Variants in DLG2 observed in about 807,000 individuals in gnomAD.
DLG2 encodes the protein disks large homolog 2.
DLG2 carries 45 observed loss-of-function variants against 132.5 expected under a neutral mutation model. The ratio of observed to expected loss-of-function variants is 0.34; its 90% CI spans 0.27 to 0.44. DLG2 has a LOEUF of 0.44. Ranked by LOEUF, DLG2 falls within the 20% of genes least tolerant of loss-of-function variation. DLG2 has a pLI of 1.00. For synonymous variants in DLG2, 424 were observed against 419.6 expected (o/e 1.01, Z -0.13); for missense variants, 1,045 against 1,196.9 (o/e 0.87, Z 1.87).
intron 8 of DLG2, among the ~76,000 whole-genome samples, chr11:84,175,926 T>C (rs749229068): frequency 5.9e-5 from 9 of 152,156 alleles, no homozygotes; most frequent in Non-Finnish European, 1.2e-4. Flanking sequence ...TTTTGTCCCC[T>C]ACCGAATGTC....
intron 18 of DLG2, among the ~76,000 whole-genome samples, chr11:83,731,381 C>A (rs769272469): frequency 1.3e-5 from 2 of 152,118 alleles, no homozygotes; most frequent in Non-Finnish European, 2.9e-5. Context: ...AGTGAGAACA[C>A]GTAGTGTTTA....
chr11:85,203,880 C>T (rs2081650120), intron 4 of DLG2, among the ~76,000 whole-genome samples: 1 of 152,024 alleles, frequency 6.6e-6, no homozygotes, highest in Admixed American at 6.6e-5. Flanking sequence ...GATGGTTCAA[C>T]CTACAAAAAT....
chr11:84,130,034 A>C (rs1025517250), intron 9 of DLG2, among the ~76,000 whole-genome samples: 1 of 152,050 alleles, frequency 6.6e-6, no homozygotes, highest in African/African-American at 2.4e-5. Context: ...AATTTCTCAA[A>C]AGTTCTTGCT....
chr11:84,636,106 T>C (rs1050581904), intron 6 of DLG2, among the ~76,000 whole-genome samples: 5 of 152,190 alleles, frequency 3.3e-5, no homozygotes, highest in East Asian at 1.9e-4. Flanking sequence ...TTCTTCCCTT[T>C]GCTAATCTGG....
intron 10 of DLG2, among the ~76,000 whole-genome samples, chr11:84,060,365 C>A (rs928255014): frequency 1.7e-4 from 26 of 151,974 alleles, no homozygotes; most frequent in African/African-American, 5.8e-4. Flanking sequence ...AGCTTTCTGG[C>A]AAATTATCTT....
chr11:83,593,949 T>C (rs2097239451), intron 19 of DLG2, among the ~76,000 whole-genome samples: 1 of 152,104 alleles, frequency 6.6e-6, no homozygotes, highest in Admixed American at 6.6e-5. Context: ...ACTTAAAAAA[T>C]GGCTATATAT....
chr11:84,678,964 A>C (rs1198833153), intron 6 of DLG2, among the ~76,000 whole-genome samples: 1 of 152,092 alleles, frequency 6.6e-6, no homozygotes, highest in African/African-American at 2.4e-5. Flanking sequence ...ATTCTACATA[A>C]AAAAGTTCCT....
At chr11:85,193,406 TTTCAG>T (rs1409695602) in intron 4 of DLG2, among the ~76,000 whole-genome samples, 2 of 152,218 alleles carry the variant, frequency 1.3e-5, no homozygotes, top group African/African-American at 4.8e-5. Flanking sequence ...AAACATATAT[TTTCAG>T]TTGTCTTGAA....
At chr11:84,510,408 G>A (rs1009837536) in intron 7 of DLG2, among the ~76,000 whole-genome samples, 1 of 152,006 alleles carries the variant, frequency 6.6e-6, no homozygotes, top group African/African-American at 2.4e-5. Context: ...ATCAATAAAT[G>A]AAAGCGCCAG....
intron 6 of DLG2, among the ~76,000 whole-genome samples, chr11:84,814,722 C>T (rs978533706): frequency 6.6e-6 from 1 of 152,096 alleles, no homozygotes; most frequent in Non-Finnish European, 1.5e-5. Flanking sequence ...ATTTGTCTAG[C>T]CAACTTCACT....
At position 84,996,406 on chromosome 11, in the gene DLG2, G is replaced by A. The variant is rs371826740; in HGVS notation, c.357+115255C>T. 1.3e-4 allele frequency among the ~76,000 whole-genome samples: 19 copies of A among 151,488 alleles called. 1 individual carries two copies. Among genetic ancestry groups the A allele is most frequent in the East Asian group, 9.7e-4 (5 of 5,154 alleles). On this transcript the variant is annotated intron_variant, in intron 6 of 27. Coordinates refer to ENST00000376104, the MANE Select transcript of DLG2 (RefSeq NM_001142699.3). Reference sequence around the variant, plus strand: ...TATATTTTATTTATCTTAATCTCTCGTAGTATATTTCAAATGATTCAAATC... The same window carrying A: ...TATATTTTATTTATCTTAATCTCTCATAGTATATTTCAAATGATTCAAATC...
intron 6 of DLG2, among the ~76,000 whole-genome samples, chr11:84,768,790 C>T (rs2068804440): frequency 6.6e-6 from 1 of 152,006 alleles, no homozygotes; most frequent in South Asian, 2.1e-4. Flanking sequence ...AGACCAAATG[C>T]TCCCAGGAAT....
intron 3 of DLG2, among the ~76,000 whole-genome samples, chr11:85,351,184 G>A (rs1158633568): frequency 4.6e-5 from 7 of 152,218 alleles, no homozygotes; most frequent in Non-Finnish European, 1.5e-5. Context: ...GTGAATGGGA[G>A]TTCACTCATG....
chr11:83,770,219 G>T (rs2094329206), intron 18 of DLG2, among the ~76,000 whole-genome samples: 1 of 139,976 alleles, frequency 7.1e-6, no homozygotes. Flanking sequence ...TTCCTTTCTT[G>T]TCTTTCCTCC....
chr11:84,985,241 C>A (rs2056322747), intron 6 of DLG2, among the ~76,000 whole-genome samples: 2 of 152,078 alleles, frequency 1.3e-5, no homozygotes, highest in South Asian at 4.1e-4. Context: ...AACTGAGCCT[C>A]AATAAATTTA....
intron 16 of DLG2, among the ~76,000 whole-genome samples, chr11:83,861,204 G>A (rs527814001): frequency 2.1e-4 from 32 of 152,300 alleles, no homozygotes; most frequent in African/African-American, 6.5e-4. Context: ...AGTCAAAATG[G>A]CTATATCCAA....
chr11:84,895,409 C>T (rs573732721), intron 6 of DLG2, among the ~76,000 whole-genome samples: 79 of 152,160 alleles, frequency 5.2e-4, no homozygotes, highest in African/African-American at 1.7e-3. Context: ...ACCAAAAAGA[C>T]CAACGCAAAT....
Position 84,900,685 on chromosome 11 carries a change from T to C in DLG2, c.357+210976A>G, listed in dbSNP as rs536014299. On this transcript the variant is annotated intron_variant, in intron 6 of 27. Coordinates refer to ENST00000376104, the MANE Select transcript of DLG2 (RefSeq NM_001142699.3). ...ATTATGTTCATGCATAACTGGATCA[T>C]TGAAGATAGAACTAAATGAAATTAG... Among the ~76,000 whole-genome samples, 120 of 152,228 alleles carry C rather than the reference T, an allele frequency of 7.9e-4. 1 individual carries two copies. Among genetic ancestry groups the C allele is most frequent in the African/African-American group, 2.8e-3 (117 of 41,580 alleles).
chr11:84,537,289 T>C (rs1027730658), intron 6 of DLG2, among the ~76,000 whole-genome samples: 1 of 152,070 alleles, frequency 6.6e-6, no homozygotes, highest in African/African-American at 2.4e-5. Flanking sequence ...TTATTTTTAG[T>C]AGAGCCGGGG....
Sources: allele counts gnomAD v4.1 joint callset (sites outside exome capture counted in the v4.1 genomes callset), GRCh38; gene constraint gnomAD v4.1.1; transcripts MANE v1.5; gene names NCBI Gene and HGNC (gene_info 2026-07-23, HGNC 2026-07-21).